Variants in KLHL1 observed in about 807,000 individuals in gnomAD.
KLHL1 encodes kelch-like protein 1.
Under a neutral mutation model 77.7 loss-of-function variants are expected in KLHL1, and 47 were observed. The observed-to-expected ratio is 0.60, with a 90% CI of 0.48 to 0.77. The LOEUF is 0.77. KLHL1 is among the 30% of genes least tolerant of loss of function. The pLI is 0.00. For missense variants in KLHL1, 925 were observed against 910.8 expected (o/e 1.02, Z -0.20); for synonymous variants, 360 against 325.2 (o/e 1.11, Z -1.15).
intron 8 of KLHL1, among the ~76,000 whole-genome samples, chr13:69,736,654 T>C (rs1192206916): frequency 6.6e-6 from 1 of 150,614 alleles, no homozygotes; most frequent in Non-Finnish European, 1.5e-5. Context: ...GCCTATCAAT[T>C]AGTGATTGGA....
At chr13:70,101,908 A>T (rs1313734853) in intron 1 of KLHL1, among the ~76,000 whole-genome samples, 2 of 152,020 alleles carry the variant, frequency 1.3e-5, no homozygotes, top group African/African-American at 2.4e-5. Flanking sequence ...TTTGGTTTAA[A>T]TAATAGTAAA....
chr13:70,101,049 CT>C (rs1419419782), intron 1 of KLHL1, among the ~76,000 whole-genome samples: 1 of 152,018 alleles, frequency 6.6e-6, no homozygotes, highest in African/African-American at 2.4e-5. Context: ...AGCATAATAC[CT>C]GAGGATACAT....
At chr13:69,776,824 C>G (rs1305712973) in intron 7 of KLHL1, among the ~76,000 whole-genome samples, 1 of 152,072 alleles carries the variant, frequency 6.6e-6, no homozygotes, top group Non-Finnish European at 1.5e-5. Context: ...ATTTTTTTCT[C>G]TTCTCTTAAC....
intron 4 of KLHL1, among the ~76,000 whole-genome samples, chr13:69,929,811 T>C (rs535192195): frequency 1.6e-4 from 25 of 152,002 alleles, no homozygotes; most frequent in African/African-American, 4.8e-4. Flanking sequence ...AATTCTGATA[T>C]ACATTACATT....
intron 2 of KLHL1, among the ~76,000 whole-genome samples, chr13:69,964,612 T>A (rs1219076322): frequency 1.3e-5 from 2 of 152,138 alleles, no homozygotes; most frequent in East Asian, 3.9e-4. Flanking sequence ...AGGACTCAGA[T>A]TGCATATATG....
chr13:69,708,452 C>T (rs1875729598), intron 9 of KLHL1, among the ~76,000 whole-genome samples: 1 of 151,800 alleles, frequency 6.6e-6, no homozygotes, highest in Non-Finnish European at 1.5e-5. Context: ...TAGGAAGGTA[C>T]TTTCAGTTTA....
chr13:69,946,723 G>A (rs1378940598), intron 3 of KLHL1, among the ~76,000 whole-genome samples: 1 of 152,006 alleles, frequency 6.6e-6, no homozygotes, highest in Non-Finnish European at 1.5e-5. Flanking sequence ...ATGTTGCCCA[G>A]GCTAGTCTAG....
chr13:70,060,888 C>T (rs935808944), intron 1 of KLHL1, among the ~76,000 whole-genome samples: 1 of 151,958 alleles, frequency 6.6e-6, no homozygotes. Context: ...AATAGAGTAC[C>T]CTTCAGCTAT....
chr13:69,710,707 A>G (rs1436636812), intron 9 of KLHL1, among the ~76,000 whole-genome samples: 2 of 152,180 alleles, frequency 1.3e-5, no homozygotes, highest in Admixed American at 6.6e-5. Flanking sequence ...GCATTGTCCA[A>G]ACATTCACTA....
intron 3 of KLHL1, among the ~76,000 whole-genome samples, chr13:69,942,600 C>T (rs1330787666): frequency 6.6e-6 from 1 of 151,894 alleles, no homozygotes; most frequent in Non-Finnish European, 1.5e-5. Context: ...TTTTTTAAAC[C>T]TATAATAATT....
rs536699426 is a variant in KLHL1 at position 69,708,519 on chromosome 13, T to A, written c.2016-723A>T. Among the ~76,000 whole-genome samples the A allele has an allele frequency of 3.1e-4, 47 of 152,104 alleles. 1 individual carries two copies. In the Middle Eastern group the frequency reaches 0.01, roughly 33 times the overall value. The stretch of plus-strand genomic sequence containing the variant: ...GAAATAATTATAACATGAACACAAC[T>A]GGGTTTAGTGACATTGCTCAGGATT... On this transcript the variant is annotated intron_variant, in intron 9 of 10. Coordinates refer to ENST00000377844, the MANE Select transcript of KLHL1 (RefSeq NM_020866.3).
chr13:69,731,728 T>A (rs1319007260), intron 8 of KLHL1, among the ~76,000 whole-genome samples: 1 of 152,172 alleles, frequency 6.6e-6, no homozygotes, highest in Non-Finnish European at 1.5e-5. Context: ...CTTTCTTATC[T>A]AATAGCTTTT....
At chr13:69,941,623 A>G (rs1883368687) in intron 3 of KLHL1, among the ~76,000 whole-genome samples, 1 of 152,110 alleles carries the variant, frequency 6.6e-6, no homozygotes, top group Admixed American at 6.6e-5. Flanking sequence ...GCAGAACCAA[A>G]TAAAATTAAA....
chr13:70,050,815 C>T (rs1886612458), intron 1 of KLHL1, among the ~76,000 whole-genome samples: 1 of 151,862 alleles, frequency 6.6e-6, no homozygotes, highest in Admixed American at 6.6e-5. Flanking sequence ...TAATTGTTAA[C>T]ACTTGAGTGA....
At chr13:69,738,760 C>T (rs986874759) in intron 8 of KLHL1, among the ~76,000 whole-genome samples, 2 of 152,000 alleles carry the variant, frequency 1.3e-5, no homozygotes, top group African/African-American at 2.4e-5. Context: ...TGCTTAAAGA[C>T]CAAACCTACA....
chr13:69,785,677 T>A (rs1179366168), intron 7 of KLHL1, among the ~76,000 whole-genome samples: 3 of 149,682 alleles, frequency 2.0e-5, no homozygotes, highest in Non-Finnish European at 3.0e-5. Flanking sequence ...CTGAAGGAAA[T>A]AGAGACACAA....
At chr13:69,843,261 T>G (rs1179393080) in intron 5 of KLHL1, among the ~76,000 whole-genome samples, 1 of 151,564 alleles carries the variant, frequency 6.6e-6, no homozygotes, top group African/African-American at 2.4e-5. Flanking sequence ...TTTGTACAAA[T>G]AAGCAAAAGA....
chr13:69,886,668 A>G (rs1881231553), intron 4 of KLHL1, among the ~76,000 whole-genome samples: 1 of 152,066 alleles, frequency 6.6e-6, no homozygotes, highest in Non-Finnish European at 1.5e-5. Context: ...ATATTTTATT[A>G]TTGTTTAAGT....
intron 7 of KLHL1, among the ~76,000 whole-genome samples, chr13:69,780,721 T>TACACAC (rs1160244352): frequency 0.061 from 3,841 of 62,836 alleles, 249 homozygotes; most frequent in Admixed American, 0.075. Flanking sequence ...TATATGTATA[T>TACACAC]ATATATATAT....
Sources: allele counts gnomAD v4.1 joint callset (sites outside exome capture counted in the v4.1 genomes callset), GRCh38; gene constraint gnomAD v4.1.1; transcripts MANE v1.5; gene names NCBI Gene and HGNC (gene_info 2026-07-23, HGNC 2026-07-21).